Variants in IPO8 observed in about 807,000 individuals in gnomAD.
The protein encoded by IPO8 is importin 8, also known as importin-8.
IPO8 carries 65 observed loss-of-function variants against 141.2 expected under a neutral mutation model. The observed-to-expected ratio is 0.46, with a 90% CI of 0.38 to 0.57. The LOEUF (loss-of-function observed/expected upper bound fraction) is 0.57. Among genes scored for constraint, IPO8 ranks in the 20% least tolerant of loss-of-function variants. The probability of loss-of-function intolerance (pLI) is 0.00; values close to 1 mark genes in which losing one functional copy is unlikely to be tolerated. For synonymous variants in IPO8, 411 were observed against 420.3 expected (o/e 0.98, Z 0.27); for missense variants, 980 against 1,246.8 (o/e 0.79, Z 3.22).
chr12:30,687,561 A>G (rs2053253791), intron 2 of IPO8, among the ~76,000 whole-genome samples: 1 of 152,066 alleles, frequency 6.6e-6, no homozygotes, highest in Non-Finnish European at 1.5e-5. Context: ...GCTGTTTTTC[A>G]TTGTAATTTT....
intron 10 of IPO8, 67 bp from the exon 11 acceptor site, chr12:30,666,318 G>A (rs1199550880): frequency 6.7e-6 from 8 of 1,197,100 alleles, no homozygotes; most frequent in Non-Finnish European, 9.5e-6. Flanking sequence ...TTTTAAACCT[G>A]ACTGACCGCT....
In IPO8 at chr12:30,652,319, T is replaced by C. The variant is rs555884315; in HGVS notation, c.2075-30A>G. ...AAAAAAATCAAAATCCCAATGAGAC[T>C]TGAGTGACAGAAATAGAAATAAATT... On this transcript the variant is annotated intron_variant, in intron 18 of 24. Coordinates refer to ENST00000256079, the MANE Select transcript of IPO8 (RefSeq NM_006390.4). 25 of 1,235,032 alleles carry C rather than the reference T, an allele frequency of 2.0e-5. No individual in the cohort carries two copies. The South Asian group carries it at 2.1e-4, about 10-fold the overall frequency. The allele number at this position is 1,235,032 out of a possible 1,614,324, so 76.5% of individuals were successfully genotyped here. A position where few individuals can be genotyped will look rare whatever the true frequency, so the allele number is the denominator to read the frequency against.
chr12:30,681,205 G>A (rs1565509267), intron 4 of IPO8, among the ~76,000 whole-genome samples: 2 of 152,074 alleles, frequency 1.3e-5, no homozygotes, highest in Admixed American at 1.3e-4. Flanking sequence ...AAACCAGAAA[G>A]CAATACTATT....
chr12:30,662,125 T>C (rs1374842713), intron 15 of IPO8, among the ~76,000 whole-genome samples: 1 of 152,206 alleles, frequency 6.6e-6, no homozygotes, highest in Admixed American at 6.5e-5. Flanking sequence ...TGGAATTATT[T>C]GTATCTAAAC....
chr12:30,686,792 T>A (rs1191527151), intron 2 of IPO8: 18 of 152,290 alleles, frequency 1.2e-4, no homozygotes, highest in Admixed American at 1.2e-3. Flanking sequence ...GACTTATTTA[T>A]GATTTAGTCA....
At chr12:30,672,766 T>C (rs1412823872) in intron 8 of IPO8, among the ~76,000 whole-genome samples, 1 of 152,152 alleles carries the variant, frequency 6.6e-6, no homozygotes, top group Non-Finnish European at 1.5e-5. Context: ...TCCCTATAGA[T>C]TGTCTCACCA....
At chr12:30,650,061 A>C (rs185667300) in intron 19 of IPO8, among the ~76,000 whole-genome samples, 176 of 152,144 alleles carry the variant, frequency 1.2e-3, no homozygotes, top group African/African-American at 3.9e-3. Flanking sequence ...ACGAAGTAAG[A>C]AGCTTTTTAT....
chr12:30,632,029 GAA>G lies in IPO8; in HGVS notation c.2900-20_2900-19del. The G allele has an allele frequency of 6.5e-7, 1 of 1,534,436 alleles. No homozygotes were observed. Among genetic ancestry groups the G allele is most frequent in the Non-Finnish European group, 9.0e-7 (1 of 1,112,124 alleles). On this transcript the variant is annotated intron_variant, in intron 23 of 24. Coordinates refer to ENST00000256079, the MANE Select transcript of IPO8 (RefSeq NM_006390.4). ...CTGCACAGCTGTTGCATTTTGGGAG[GAA>G]AAGACAGGAGGGTACAGCGACTATT...
At position 30,670,973 on chromosome 12, in the gene IPO8, G is replaced by T; in HGVS notation, c.1033C>A (p.Pro345Thr). 4 of 1,613,134 alleles carry T rather than the reference G, an allele frequency of 2.5e-6. No individual in the cohort carries two copies. Among genetic ancestry groups the T allele is most frequent in the Non-Finnish European group, 3.4e-6 (4 of 1,179,432 alleles). Reference sequence around the variant, plus strand: ...TCTCTGACACTAACCTGTATGTGTGGCTTCATCTGCTTCCAGGTTATAGAA... The same window carrying T: ...TCTCTGACACTAACCTGTATGTGTGTCTTCATCTGCTTCCAGGTTATAGAA... The part of the protein sequence containing the change: ...VHSITWKQMK[P>T]HIQNISEDVI... Residue 345 changes from proline (P) to threonine (T), a missense_variant, in exon 9 of 25, where the codon CCA (proline) becomes ACA (threonine). This residue lies in a region of IPO8 where 924 missense variants were observed against 1,153.9 expected (regional missense o/e 0.80). Transcript: ENST00000256079.
chr12:30,665,908 C>T, intron 11 of IPO8, 63 bp from the exon 12 acceptor site: 1 of 1,036,164 alleles, frequency 9.7e-7, no homozygotes, highest in African/African-American at 1.6e-5. Context: ...ATAGTATTAA[C>T]TATGATGCAC....
chr12:30,635,419 T>A (rs774784772), intron 22 of IPO8, among the ~76,000 whole-genome samples: 1 of 152,100 alleles, frequency 6.6e-6, no homozygotes, highest in Non-Finnish European at 1.5e-5. Flanking sequence ...CACTTTGTAC[T>A]CCATAAATAT....
At chr12:30,674,179 A>G in intron 7 of IPO8, 105 bp from the exon 8 acceptor site, 1 of 672,268 alleles carries the variant, frequency 1.5e-6, no homozygotes, top group Non-Finnish European at 2.5e-6. Flanking sequence ...TTCTACTGGG[A>G]CAGAAAACTA....
chr12:30,634,567 A>AT (rs1464727038), intron 22 of IPO8, among the ~76,000 whole-genome samples: 2 of 152,148 alleles, frequency 1.3e-5, no homozygotes, highest in Non-Finnish European at 2.9e-5. Context: ...TGTTATCCAG[A>AT]TGAACATTAC....
Position 30,631,895 on chromosome 12 carries a change from C to T in IPO8, c.3016G>A (p.Glu1006Lys). ...CACTCTGGAGGTTACTCTGGCTGACCTGCCACCGTCCGTCGGTGCTCTGCC... is the reference window on the plus strand; with the variant it reads ...CACTCTGGAGGTTACTCTGGCTGACTTGCCACCGTCCGTCGGTGCTCTGCC... Reference protein sequence around the residue: ...TLAEHRRTVAEAKKKIEQQGG... With the variant: ...TLAEHRRTVAKAKKKIEQQGG... Residue 1006 changes from glutamate to lysine, a missense_variant and splice_region_variant, in exon 24 of 25, where the codon GAG becomes AAG. Coordinates refer to ENST00000256079, the MANE Select transcript of IPO8 (RefSeq NM_006390.4). The T allele has an allele frequency of 1.2e-6, 2 of 1,606,236 alleles. No individual in the cohort carries two copies. Among genetic ancestry groups the T allele is most frequent in the Non-Finnish European group, 1.7e-6 (2 of 1,175,078 alleles).
chr12:30,691,733 T>C (rs2053293140), intron 1 of IPO8, among the ~76,000 whole-genome samples: 1 of 152,256 alleles, frequency 6.6e-6, no homozygotes. Flanking sequence ...GGTTTGGGCA[T>C]ATTATTCATT....
intron 11 of IPO8, 31 bp from the exon 12 acceptor site, chr12:30,665,876 C>T (rs750679392): frequency 2.9e-6 from 4 of 1,384,494 alleles, no homozygotes; most frequent in Admixed American, 1.7e-5. Flanking sequence ...ATTTAGTCTA[C>T]ATGAACTTTC....
chr12:30,680,011 A>G (rs148506139), intron 5 of IPO8, among the ~76,000 whole-genome samples: 55 of 152,080 alleles, frequency 3.6e-4, no homozygotes, highest in African/African-American at 1.2e-3. Flanking sequence ...GCAGTATTTT[A>G]AACCAAGGAA....
Position 30,661,243 on chromosome 12 carries a change from A to G in IPO8, c.1779T>C (p.Leu593=). The change falls in exon 16 of 25, where the codon CTT becomes CTC. Residue 593 remains leucine (L), a synonymous_variant. Coordinates refer to ENST00000256079, the MANE Select transcript of IPO8 (RefSeq NM_006390.4). ...CAACTTCTTCATATTCATCACTTTG[A>G]AGAACTTTGCCAAATATCTCAGCCT... The part of the protein sequence containing the change: ...QHLAEIFGKV[L]QSDEYEEVED... 1.3e-6 allele frequency: 2 copies of G among 1,595,572 alleles called. No homozygotes were observed. Among genetic ancestry groups the G allele is most frequent in the Non-Finnish European group, 1.7e-6 (2 of 1,172,372 alleles).
intron 9 of IPO8, among the ~76,000 whole-genome samples, chr12:30,670,338 T>C (rs943016262): frequency 3.3e-5 from 5 of 152,180 alleles, no homozygotes; most frequent in African/African-American, 1.2e-4. Flanking sequence ...AGAGAGTAGG[T>C]ATTCAGTTCC....
Sources: allele counts gnomAD v4.1 joint callset (sites outside exome capture counted in the v4.1 genomes callset), GRCh38; gene constraint gnomAD v4.1.1; regional missense constraint gnomAD v4.1.1; transcripts MANE v1.5; gene names NCBI Gene and HGNC (gene_info 2026-07-23, HGNC 2026-07-21).